Variants in SND1 observed in about 807,000 individuals in gnomAD.
The protein encoded by SND1 is staphylococcal nuclease domain-containing protein 1.
Under a neutral mutation model 121.7 loss-of-function variants are expected in SND1, and 38 were observed. The ratio of observed to expected loss-of-function variants is 0.31; its 90% CI spans 0.24 to 0.41. The LOEUF is 0.41. SND1 is among the 10% of genes least tolerant of loss of function. The pLI is 1.00. For missense variants in SND1, 868 were observed against 1,184.6 expected, an observed-to-expected ratio of 0.73 and a Z score of 3.92; for synonymous variants, 401 against 447.4, an observed-to-expected ratio of 0.90 and a Z score of 1.31.
At chr7:127,776,824 C>T (rs1797629450) in intron 10 of SND1, among the ~76,000 whole-genome samples, 1 of 152,180 alleles carries the variant, frequency 6.6e-6, no homozygotes, top group Non-Finnish European at 1.5e-5. Flanking sequence ...GTTGGGGTTG[C>T]ATTCACTCTC....
chr7:127,895,649 A>G (rs1800105466), intron 13 of SND1, among the ~76,000 whole-genome samples: 2 of 152,128 alleles, frequency 1.3e-5, no homozygotes, highest in South Asian at 2.1e-4. Flanking sequence ...AAAATGCATT[A>G]AAAGAGCTGG....
intron 16 of SND1, among the ~76,000 whole-genome samples, chr7:128,035,828 G>A (rs1678047194): frequency 6.6e-6 from 1 of 152,116 alleles, no homozygotes; most frequent in African/African-American, 2.4e-5. Context: ...CTCCCACCCA[G>A]CCAGGATAAT....
At chr7:127,858,345 G>C in intron 12 of SND1, 2 of 1,344,532 alleles carry the variant, frequency 1.5e-6, no homozygotes, top group Non-Finnish European at 2.1e-6. Context: ...CGGGCCCCCA[G>C]ATGCCTCAGT....
chr7:127,889,322 C>A (rs1213029118), intron 13 of SND1, among the ~76,000 whole-genome samples: 1 of 151,740 alleles, frequency 6.6e-6, no homozygotes, highest in Non-Finnish European at 1.5e-5. Flanking sequence ...GAAATGTGAT[C>A]ATGATTTCTC....
intron 5 of SND1, 106 bp downstream of exon 5, chr7:127,701,429 T>C: frequency 1.7e-6 from 2 of 1,168,772 alleles, no homozygotes. Context: ...CTTATACTTA[T>C]TTAGTATCCA....
intron 11 of SND1, among the ~76,000 whole-genome samples, chr7:127,827,174 C>T (rs1379612101): frequency 6.6e-6 from 1 of 152,180 alleles, no homozygotes; most frequent in Non-Finnish European, 1.5e-5. Context: ...TTTTCTCTTA[C>T]AGTGTATGAG....
At chr7:127,740,632 C>T (rs1016413016) in intron 10 of SND1, among the ~76,000 whole-genome samples, 3 of 152,188 alleles carry the variant, frequency 2.0e-5, no homozygotes, top group Admixed American at 2.0e-4. Context: ...CCAGGTAGCT[C>T]TTAATTAGTG....
At chr7:127,990,884 T>G in intron 15 of SND1, 63 bp from the exon 16 acceptor site, 10 of 1,180,290 alleles carry the variant, frequency 8.5e-6, no homozygotes, top group Non-Finnish European at 1.2e-5. Flanking sequence ...GGGACCGTCC[T>G]TATTGGACAG....
At chr7:128,048,130 GC>G (rs1792983359) in intron 16 of SND1, among the ~76,000 whole-genome samples, 2 of 152,154 alleles carry the variant, frequency 1.3e-5, no homozygotes, top group Admixed American at 6.5e-5. Context: ...ACAGGCATGA[GC>G]CACCGCACCC....
chr7:128,009,707 T>C (rs1235736025), intron 16 of SND1, among the ~76,000 whole-genome samples: 2 of 152,222 alleles, frequency 1.3e-5, no homozygotes, highest in African/African-American at 2.4e-5. Context: ...AATGTTAGGT[T>C]TGCATTGTGT....
intron 11 of SND1, among the ~76,000 whole-genome samples, chr7:127,837,343 T>G (rs1244446255): frequency 6.6e-6 from 1 of 152,266 alleles, no homozygotes; most frequent in East Asian, 1.9e-4. Context: ...TCAACACTTT[T>G]ATAATATTTG....
intron 17 of SND1, among the ~76,000 whole-genome samples, chr7:128,080,139 G>A (rs1793572228): frequency 6.6e-6 from 1 of 152,258 alleles, no homozygotes; most frequent in Non-Finnish European, 1.5e-5. Flanking sequence ...CAGAAGTTTT[G>A]GGCAAATACT....
chr7:127,861,086 C>A (rs2116682051), intron 12 of SND1, among the ~76,000 whole-genome samples: 1 of 152,320 alleles, frequency 6.6e-6, no homozygotes, highest in South Asian at 2.1e-4. Context: ...CCATTTATGA[C>A]TCTAGCTGTT....
At chr7:127,872,505 A>G (rs1056227123) in intron 12 of SND1, among the ~76,000 whole-genome samples, 1 of 152,066 alleles carries the variant, frequency 6.6e-6, no homozygotes, top group Non-Finnish European at 1.5e-5. Context: ...GGCCATATAC[A>G]TTTGTTTTGT....
At chr7:128,048,436 G>C (rs1005073806) in intron 16 of SND1, among the ~76,000 whole-genome samples, 3 of 152,198 alleles carry the variant, frequency 2.0e-5, no homozygotes, top group Non-Finnish European at 4.4e-5. Flanking sequence ...GTGCTGTGAT[G>C]CCAGAGCAGG....
At chr7:127,783,826 C>T (rs182414614) in intron 10 of SND1, among the ~76,000 whole-genome samples, 125 of 152,296 alleles carry the variant, frequency 8.2e-4, no homozygotes, top group African/African-American at 2.7e-3. Context: ...CAACTTTGGT[C>T]ATGTATGAAA....
At chr7:127,991,930 G>A (rs879075683) in intron 16 of SND1, among the ~76,000 whole-genome samples, 5 of 152,194 alleles carry the variant, frequency 3.3e-5, no homozygotes, top group African/African-American at 1.2e-4. Context: ...AGGCGTGAGA[G>A]AACAAGAGAA....
At chr7:127,922,902 C>G (rs1466531102) in intron 14 of SND1, among the ~76,000 whole-genome samples, 2 of 152,172 alleles carry the variant, frequency 1.3e-5, no homozygotes, top group African/African-American at 2.4e-5. Flanking sequence ...TGCGGTTTCT[C>G]CTATGTTCAA....
chr7:127,706,218 A>AT (rs11404711), intron 8 of SND1, among the ~76,000 whole-genome samples: 132,312 of 140,124 alleles, frequency 0.94, 62,924 homozygotes, highest in Non-Finnish European at 1. Flanking sequence ...AATTAATTTG[A>AT]TTTTTTTTGC....
Sources: gnomAD v4.1 joint callset for allele counts (sites outside exome capture counted in the v4.1 genomes callset) on GRCh38, gnomAD v4.1.1 for gene constraint, MANE v1.5 for transcripts, NCBI Gene and HGNC (gene_info 2026-07-23, HGNC 2026-07-21) for gene names.